The following OPHN1 variants were observed in gnomAD, a reference collection of about 807,000 sequenced individuals.
OPHN1 encodes oligophrenin-1.
OPHN1 carries 11 observed loss-of-function variants against 60.7 expected under a neutral mutation model. The ratio of observed to expected loss-of-function variants is 0.18; its 90% CI spans 0.11 to 0.30. OPHN1 has a LOEUF of 0.30. OPHN1 is among the 10% of genes least tolerant of loss of function. The pLI, the probability that OPHN1 is intolerant of heterozygous loss-of-function variation, is 1.00. For missense variants in OPHN1, 449 were observed against 611.0 expected (o/e 0.73, Z 2.80); for synonymous variants, 226 against 222.6 (o/e 1.02, Z -0.14).
At chrX:68,374,297 A>C (rs1163228324) in intron 2 of OPHN1, among the ~76,000 whole-genome samples, 1 of 107,105 alleles carries the variant, frequency 9.3e-6, no homozygotes, top group African/African-American at 3.4e-5. Flanking sequence ...CAGAGGTTGC[A>C]GTGAACCGAG....
At chrX:68,232,928 G>C (rs373347276) in intron 6 of OPHN1, among the ~76,000 whole-genome samples, 1 of 98,503 alleles carries the variant, frequency 1.0e-5, no homozygotes, top group Non-Finnish European at 2.0e-5. Context: ...CACAACTAAG[G>C]CTTTTTTTTT....
intron 2 of OPHN1, among the ~76,000 whole-genome samples, chrX:68,384,184 T>G: frequency 8.9e-6 from 1 of 112,118 alleles, no homozygotes; most frequent in Non-Finnish European, 1.9e-5. Context: ...CCATTTATAT[T>G]ATTTCAAAAG....
intron 15 of OPHN1, 56 bp downstream of exon 15, chrX:68,192,863 T>C (rs2077495184): frequency 2.1e-6 from 2 of 941,672 alleles, no homozygotes; most frequent in African/African-American, 1.9e-5. Context: ...TCCAGTCACA[T>C]TTCTTTGTAA....
At chrX:68,271,570 C>G (rs1202614360) in intron 5 of OPHN1, among the ~76,000 whole-genome samples, 2 of 110,123 alleles carry the variant, frequency 1.8e-5, no homozygotes, top group Non-Finnish European at 3.8e-5. Context: ...TAATTTAACA[C>G]TCCGGATAGC....
At chrX:68,201,804 G>T in intron 10 of OPHN1, 94 bp from the exon 11 acceptor site, 1 of 694,635 alleles carries the variant, frequency 1.4e-6, no homozygotes, top group Non-Finnish European at 2.3e-6. Flanking sequence ...CTTGGAAGGC[G>T]TCTGGTCAAG....
At chrX:68,233,967 T>G (rs1432263515) in intron 6 of OPHN1, among the ~76,000 whole-genome samples, 1 of 109,732 alleles carries the variant, frequency 9.1e-6, no homozygotes, top group Non-Finnish European at 1.9e-5. Context: ...GTAGCCATGT[T>G]GCATCCAGTA....
At chrX:68,116,617 C>CAT (rs2077128272) in intron 16 of OPHN1, among the ~76,000 whole-genome samples, 1 of 111,642 alleles carries the variant, frequency 9.0e-6, no homozygotes, top group Admixed American at 9.5e-5. Context: ...CTGAACTCAT[C>CAT]ACTGAGTTTC....
intron 2 of OPHN1, among the ~76,000 whole-genome samples, chrX:68,330,347 C>G (rs2078288495): frequency 1.0e-5 from 1 of 99,570 alleles, no homozygotes; most frequent in South Asian, 5.1e-4. Flanking sequence ...ATCTGCCTGC[C>G]TCAGCCTCCC....
intron 2 of OPHN1, among the ~76,000 whole-genome samples, chrX:68,367,255 G>A (rs989651343): frequency 3.7e-5 from 4 of 107,724 alleles, no homozygotes; most frequent in African/African-American, 1.0e-4. Context: ...TCAGGAGGCC[G>A]AGGCAGGAGA....
At chrX:68,266,753 A>T (rs2077930821) in intron 5 of OPHN1, among the ~76,000 whole-genome samples, 1 of 111,187 alleles carries the variant, frequency 9.0e-6, no homozygotes, top group Non-Finnish European at 1.9e-5. Flanking sequence ...AAGAGTCAAG[A>T]CCCATCAGTG....
intron 5 of OPHN1, among the ~76,000 whole-genome samples, chrX:68,267,775 A>G (rs2077940092): frequency 8.9e-6 from 1 of 111,808 alleles, no homozygotes. Flanking sequence ...AACAAAACTG[A>G]TAGACCGCTA....
chrX:68,341,320 C>T (rs1313288190), intron 2 of OPHN1, among the ~76,000 whole-genome samples: 1 of 95,390 alleles, frequency 1.0e-5, no homozygotes, highest in Non-Finnish European at 2.0e-5. Context: ...ATAATACACA[C>T]ACTTTCAAAA....
chrX:68,140,965 G>A (rs779311035), intron 15 of OPHN1, among the ~76,000 whole-genome samples: 3 of 111,413 alleles, frequency 2.7e-5, no homozygotes, highest in East Asian at 5.7e-4. Context: ...CACTTTTATC[G>A]CCCAATAAAT....
chrX:68,196,010 A>G, intron 12 of OPHN1, among the ~76,000 whole-genome samples: 1 of 112,051 alleles, frequency 8.9e-6, no homozygotes, highest in East Asian at 2.8e-4. Flanking sequence ...CAGAAATGTC[A>G]CAAGCATGAA....
At chrX:68,294,210 C>T (rs1212949898) in intron 3 of OPHN1, among the ~76,000 whole-genome samples, 3 of 110,517 alleles carry the variant, frequency 2.7e-5, no homozygotes, top group Non-Finnish European at 5.7e-5. Context: ...GTGGTTCACG[C>T]CTGTAATCCC....
At chrX:68,278,131 T>C (rs1460839111) in intron 4 of OPHN1, among the ~76,000 whole-genome samples, 2 of 112,462 alleles carry the variant, frequency 1.8e-5, no homozygotes, top group Non-Finnish European at 3.8e-5. Flanking sequence ...TTGGCAACAC[T>C]GCTCCCAGTC....
chrX:68,218,378 T>C (rs2077629292), intron 6 of OPHN1, among the ~76,000 whole-genome samples: 1 of 96,031 alleles, frequency 1.0e-5, no homozygotes, highest in African/African-American at 3.7e-5. Context: ...CAAGAGAAAT[T>C]CCCCAATCTA....
At chrX:68,409,935 T>C (rs1363607050) in intron 2 of OPHN1, among the ~76,000 whole-genome samples, 1 of 111,338 alleles carries the variant, frequency 9.0e-6, no homozygotes, top group Non-Finnish European at 1.9e-5. Context: ...ACTTCCAGGG[T>C]ATCTAATCAC....
intron 21 of OPHN1, among the ~76,000 whole-genome samples, chrX:68,056,382 T>A (rs1361255298): frequency 8.9e-6 from 1 of 111,837 alleles, no homozygotes; most frequent in Non-Finnish European, 1.9e-5. Context: ...GTACGTTTTT[T>A]AAAAAATTCA....
Sources: gnomAD v4.1 joint callset for allele counts (sites outside exome capture counted in the v4.1 genomes callset) on GRCh38, gnomAD v4.1.1 for gene constraint, MANE v1.5 for transcripts, NCBI Gene and HGNC (gene_info 2026-07-23, HGNC 2026-07-21) for gene names.